The following NEK11 variants were observed in gnomAD, a reference collection of about 807,000 sequenced individuals.
NEK11 encodes NIMA related kinase 11.
In NEK11, 72 loss-of-function variants were observed where a neutral mutation model predicts 80.7. That is an observed-to-expected ratio of 0.89 (90% confidence interval 0.74 to 1.08). NEK11 has a LOEUF of 1.08. Among genes scored for constraint, NEK11 ranks in the 50% least tolerant of loss-of-function variants. NEK11 has a pLI of 0.00. For missense variants in NEK11, 764 were observed against 763.6 expected (o/e 1.00, Z -0.01); for synonymous variants, 251 against 260.7 (o/e 0.96, Z 0.36).
chr3:131,274,632 CTTTTTTTTTT>C (rs756861338), intron 17 of NEK11, among the ~76,000 whole-genome samples: 44 of 45,326 alleles, frequency 9.7e-4, no homozygotes, highest in South Asian at 3.3e-3. Context: ...TGTTTCCTGA[CTTTTTTTTTT>C]TTTTTTTTTT....
At chr3:131,071,573 A>C (rs150685096) in intron 3 of NEK11, among the ~76,000 whole-genome samples, 105 of 152,100 alleles carry the variant, frequency 6.9e-4, no homozygotes, top group Middle Eastern at 3.4e-3. Context: ...GAATTTTAAT[A>C]ATTTTGAATT....
At chr3:131,272,463 C>CTTCT (rs2096210843) in intron 16 of NEK11, among the ~76,000 whole-genome samples, 2 of 43,884 alleles carry the variant, frequency 4.6e-5, no homozygotes, top group African/African-American at 1.8e-4. Flanking sequence ...GTTTTAGCTT[C>CTTCT]TTTTTTTTTT....
At chr3:131,223,381 C>G (rs991978837) in intron 14 of NEK11, among the ~76,000 whole-genome samples, 1 of 152,128 alleles carries the variant, frequency 6.6e-6, no homozygotes, top group Non-Finnish European at 1.5e-5. Context: ...GCACTTTTCC[C>G]TGGCCACTTC....
chr3:131,313,409 A>G (rs150451831), intron 17 of NEK11, among the ~76,000 whole-genome samples: 10 of 152,270 alleles, frequency 6.6e-5, no homozygotes, highest in African/African-American at 2.2e-4. Flanking sequence ...GCTTTCCACA[A>G]TGGTTAAACT....
At chr3:131,091,782 T>G (rs1411328083) in intron 4 of NEK11, among the ~76,000 whole-genome samples, 1 of 152,222 alleles carries the variant, frequency 6.6e-6, no homozygotes, top group Non-Finnish European at 1.5e-5. Context: ...TACCAAAGTT[T>G]ATTTGAGCAC....
At chr3:131,288,341 G>A (rs1389727265) in intron 17 of NEK11, among the ~76,000 whole-genome samples, 1 of 152,026 alleles carries the variant, frequency 6.6e-6, no homozygotes, top group Non-Finnish European at 1.5e-5. Flanking sequence ...TAATCCTAGG[G>A]TTTGAGTTGG....
intron 16 of NEK11, among the ~76,000 whole-genome samples, chr3:131,264,689 A>G (rs534281075): frequency 6.6e-6 from 1 of 152,196 alleles, no homozygotes; most frequent in East Asian, 1.9e-4. Flanking sequence ...TTGTCTTGGC[A>G]ATGTGGGCTC....
intron 17 of NEK11, among the ~76,000 whole-genome samples, chr3:131,334,653 C>G (rs1290936505): frequency 2.7e-5 from 4 of 150,804 alleles, no homozygotes; most frequent in African/African-American, 9.8e-5. Context: ...CACAAAAAAC[C>G]CTTCAAAAAA....
intron 16 of NEK11, among the ~76,000 whole-genome samples, chr3:131,270,123 A>G (rs896702841): frequency 9.2e-5 from 14 of 152,246 alleles, no homozygotes; most frequent in African/African-American, 3.4e-4. Context: ...TCCCCTGCAG[A>G]GTATCTGCCC....
In NEK11 at chr3:131,132,797, CT is replaced by C; in HGVS notation, c.509del (p.Leu170ProfsTer13). On this transcript the variant is annotated frameshift_variant, in exon 6 of 18. Transcript: ENST00000383366. LOFTEE classifies it high-confidence loss of function. ...AAAGAATGTATTTCTGAAAAATAAT[CT>C]CCTTAAAATTGGTAAGATTTTAAAA... ...KSKNVFLKNN[L>X]LKIGDFGVSR... 1 of 1,494,118 alleles carries C rather than the reference CT, an allele frequency of 6.7e-7. No homozygotes were observed. The highest frequency in any genetic ancestry group is 1.2e-5 in the South Asian group (1 of 81,958). The allele number at this position is 1,494,118 out of a possible 1,614,324, so 92.6% of individuals were successfully genotyped here. A position where few individuals can be genotyped will look rare whatever the true frequency, so the allele number is the denominator to read the frequency against.
At chr3:131,065,215 A>C (rs1400469255) in intron 3 of NEK11, among the ~76,000 whole-genome samples, 1 of 152,218 alleles carries the variant, frequency 6.6e-6, no homozygotes, top group Non-Finnish European at 1.5e-5. Flanking sequence ...CAATTACCTA[A>C]ACTACCAGTC....
intron 7 of NEK11, chr3:131,134,409 T>C (rs2085127546): frequency 1.3e-5 from 2 of 151,658 alleles, no homozygotes; most frequent in Admixed American, 6.6e-5. Flanking sequence ...ATAAACTATT[T>C]TTTTTTTTTG....
At chr3:131,039,488 C>A (rs1474583740) in intron 3 of NEK11, among the ~76,000 whole-genome samples, 2 of 152,172 alleles carry the variant, frequency 1.3e-5, no homozygotes, top group African/African-American at 4.8e-5. Context: ...AGACAGCAGG[C>A]AGTTCCCTTT....
intron 4 of NEK11, among the ~76,000 whole-genome samples, chr3:131,082,352 C>A (rs886522255): frequency 6.6e-5 from 10 of 152,200 alleles, no homozygotes; most frequent in Admixed American, 5.2e-4. Flanking sequence ...CTGACTCATA[C>A]TGCTTATAAC....
At chr3:131,030,019 C>T (rs1337206466) in intron 3 of NEK11, 141 bp downstream of exon 3, 5 of 721,784 alleles carry the variant, frequency 6.9e-6, no homozygotes, top group Admixed American at 2.5e-5. Context: ...GTTGGCAGAT[C>T]ACTTGAGGCG....
Position 131,236,827 on chromosome 3 carries a change from C to T in NEK11, c.1561-6609C>T, listed in dbSNP as rs183239213. On this transcript the variant is annotated intron_variant, in intron 15 of 17. Coordinates refer to ENST00000383366, the MANE Select transcript of NEK11 (RefSeq NM_024800.5). ...CTCTGTCCTATGGCTTTGTGCTAAA[C>T]GGCATCTTCTGCCTTCCTATGAATT... is the stretch of plus-strand genomic sequence containing the variant. Among the ~76,000 whole-genome samples the T allele has an allele frequency of 1.8e-4, 28 of 152,308 alleles. No homozygotes were observed. The East Asian group carries it at 4.2e-3, about 23-fold the overall frequency.
In NEK11 at chr3:131,349,397, C is replaced by T. The variant is rs148373116; in HGVS notation, c.1719-160C>T. On this transcript the variant is annotated intron_variant, in intron 17 of 17. Transcript: ENST00000383366. ...ACATTGAGGCATTATTTGTTGAATA[C>T]TGTTAAATGTTTAGGGTGGAGATAT... 5.3e-5 allele frequency among the ~76,000 whole-genome samples: 8 copies of T among 152,238 alleles called. No individual in the cohort carries two copies. In the East Asian group the frequency reaches 1.5e-3, roughly 29 times the overall value.
At chr3:131,295,138 T>C (rs1002906364) in intron 17 of NEK11, among the ~76,000 whole-genome samples, 5 of 152,194 alleles carry the variant, frequency 3.3e-5, no homozygotes, top group African/African-American at 1.2e-4. Flanking sequence ...TTTCTATTTG[T>C]TGTCTCTGTT....
At chr3:131,208,271 A>G (rs1349471455) in intron 14 of NEK11, among the ~76,000 whole-genome samples, 2 of 151,924 alleles carry the variant, frequency 1.3e-5, no homozygotes, top group African/African-American at 4.8e-5. Context: ...AGATCAGATG[A>G]TTGTAGATGT....
Sources: allele counts gnomAD v4.1 joint callset (sites outside exome capture counted in the v4.1 genomes callset), GRCh38; gene constraint gnomAD v4.1.1; transcripts MANE v1.5; gene names NCBI Gene and HGNC (gene_info 2026-07-23, HGNC 2026-07-21).